DOCK1: variants seen among roughly 807,000 people sequenced by gnomAD.
DOCK1 encodes dedicator of cytokinesis protein 1.
Under a neutral mutation model 262.7 loss-of-function variants are expected in DOCK1, and 138 were observed. That is an observed-to-expected ratio of 0.53 (90% CI 0.46 to 0.61). The LOEUF is 0.61. Among genes scored for constraint, DOCK1 ranks in the 20% least tolerant of loss-of-function variants. The pLI is 0.00. For synonymous variants in DOCK1, 866 were observed against 867.4 expected (o/e 1.00, Z 0.03); for missense variants, 1,908 against 2,370.7 (o/e 0.80, Z 4.05).
At chr10:127,003,491 G>A (rs1295463865) in intron 10 of DOCK1, among the ~76,000 whole-genome samples, 2 of 152,192 alleles carry the variant, frequency 1.3e-5, no homozygotes, top group East Asian at 1.9e-4. Context: ...GTCCCTTCTG[G>A]TGTCACAGTT....
At position 127,032,170 on chromosome 10, in the gene DOCK1, T is replaced by C; in HGVS notation, c.1762T>C (p.Tyr588His). The C allele has an allele frequency of 6.3e-7, 1 of 1,597,666 alleles. No homozygotes were observed. Among genetic ancestry groups the C allele is most frequent in the Non-Finnish European group, 8.5e-7 (1 of 1,171,956 alleles). ...AAAGAAGCTGGAAGATGCTGCCACG[T>C]ACTTGAGTCTGCCCTCCACGAAGGC... ...EAKKLEDAAT[Y>H]LSLPSTKAEL... The change falls in exon 18 of 52, where the codon TAC becomes CAC. Residue 588 changes from tyrosine (Y) to histidine (H), a missense_variant. Transcript: ENST00000623213.
At position 127,175,240 on chromosome 10, in the gene DOCK1, A is replaced by G. The variant is rs772614753; in HGVS notation, c.2847+47476A>G. 9.3e-6 allele frequency: 15 copies of G among 1,613,038 alleles called. No individual in the cohort carries two copies. In the African/African-American group the frequency reaches 9.4e-5, roughly 10 times the overall value. ...TCCCGATGGGCCTCTCCTTTTTCCA[A>G]CTCCTGAATGACCCCCAAGAGCACT... On this transcript the variant is annotated intron_variant, in intron 27 of 51. Coordinates refer to ENST00000623213, the MANE Select transcript of DOCK1 (RefSeq NM_001290223.2). This position sits in a 1 kb window ranked among gnomAD's most constrained non-coding sequence, Gnocchi z 6.3.
At chr10:127,288,773 TCA>T (rs3221847) in intron 29 of DOCK1, among the ~76,000 whole-genome samples, 4,480 of 143,402 alleles carry the variant, frequency 0.031, 81 homozygotes, top group Middle Eastern at 0.062. Flanking sequence ...TGTATATATT[TCA>T]CACACACACA....
chr10:126,949,119 G>C (rs2035933831), intron 1 of DOCK1, among the ~76,000 whole-genome samples: 1 of 152,086 alleles, frequency 6.6e-6, no homozygotes, highest in Admixed American at 6.6e-5. Flanking sequence ...TGCCCTTGCT[G>C]CCTGCCTGGC....
intron 51 of DOCK1, among the ~76,000 whole-genome samples, chr10:127,451,000 T>C (rs1253357084): frequency 6.6e-6 from 1 of 152,190 alleles, no homozygotes; most frequent in Non-Finnish European, 1.5e-5. Context: ...AGAGTGCCTC[T>C]AAGGACTTAT....
At chr10:127,183,969 C>G (rs998059477) in intron 27 of DOCK1, among the ~76,000 whole-genome samples, 13 of 152,132 alleles carry the variant, frequency 8.5e-5, no homozygotes, top group African/African-American at 9.7e-5. Flanking sequence ...ATATCCTTCC[C>G]TCACAAAGTT....
intron 1 of DOCK1, among the ~76,000 whole-genome samples, chr10:126,916,969 T>G (rs542519809): frequency 6.9e-6 from 1 of 143,998 alleles, no homozygotes; most frequent in South Asian, 2.4e-4. Flanking sequence ...GAGAGACAGG[T>G]GGGAGCTGTG....
chr10:126,949,239 C>G (rs2035951537), intron 1 of DOCK1, among the ~76,000 whole-genome samples: 1 of 152,148 alleles, frequency 6.6e-6, no homozygotes, highest in Non-Finnish European at 1.5e-5. Flanking sequence ...CACCCAGCTC[C>G]TGCTCTCCTG....
chr10:126,949,299 G>T (rs1477956384), intron 1 of DOCK1, among the ~76,000 whole-genome samples: 2 of 152,124 alleles, frequency 1.3e-5, no homozygotes, highest in Admixed American at 1.3e-4. Flanking sequence ...CCCCTAAGCT[G>T]TCTAGTGCCT....
intron 27 of DOCK1, among the ~76,000 whole-genome samples, chr10:127,212,541 G>A (rs930243059): frequency 2.6e-5 from 4 of 152,052 alleles, no homozygotes; most frequent in Admixed American, 2.6e-4. Flanking sequence ...CAGACACCTC[G>A]AATTATTTTT....
intron 27 of DOCK1, among the ~76,000 whole-genome samples, chr10:127,211,072 CTG>C (rs2057952238): frequency 6.6e-6 from 1 of 152,146 alleles, no homozygotes. Flanking sequence ...ACTGTTAACT[CTG>C]GGTACGATGT....
intron 22 of DOCK1, among the ~76,000 whole-genome samples, chr10:127,056,765 G>A (rs2045183849): frequency 1.3e-5 from 2 of 152,100 alleles, no homozygotes; most frequent in Non-Finnish European, 2.9e-5. Context: ...CATTCCTGAG[G>A]GGAGAGAAGG....
At chr10:126,913,317 A>T in intron 1 of DOCK1, among the ~76,000 whole-genome samples, 1 of 4,348 alleles carries the variant, frequency 2.3e-4, no homozygotes, top group East Asian at 0.016. Context: ...TTGTAGCATG[A>T]GTAGGGCAGC....
At chr10:127,029,762 A>T (rs1308544841) in intron 16 of DOCK1, among the ~76,000 whole-genome samples, 1 of 152,170 alleles carries the variant, frequency 6.6e-6, no homozygotes, top group Non-Finnish European at 1.5e-5. Flanking sequence ...TAAAAGGTGC[A>T]CTTACTGTAC....
chr10:127,330,038 C>A (rs1462215712), intron 29 of DOCK1, among the ~76,000 whole-genome samples: 1 of 152,146 alleles, frequency 6.6e-6, no homozygotes, highest in African/African-American at 2.4e-5. Context: ...TTTATCCTAA[C>A]ACTTGCTAAC....
intron 25 of DOCK1, 37 bp downstream of exon 25, chr10:127,110,391 T>G (rs2048794208): frequency 6.4e-7 from 1 of 1,564,752 alleles, no homozygotes; most frequent in South Asian, 1.2e-5. Flanking sequence ...CTTGTCCTGT[T>G]ATTTATTTTC....
chr10:127,253,214 T>A (rs2059713706), intron 28 of DOCK1, among the ~76,000 whole-genome samples: 2 of 152,240 alleles, frequency 1.3e-5, no homozygotes, highest in Admixed American at 1.3e-4. Context: ...GCAGAGAATG[T>A]GCCCCGATTC....
intron 27 of DOCK1, among the ~76,000 whole-genome samples, chr10:127,183,315 C>G (rs185228829): frequency 1.3e-5 from 2 of 152,268 alleles, no homozygotes; most frequent in Admixed American, 1.3e-4. Flanking sequence ...TGCAGTCTGT[C>G]TTTCTGGCAA....
intron 27 of DOCK1, among the ~76,000 whole-genome samples, chr10:127,204,611 G>T (rs1254258997): frequency 6.6e-6 from 1 of 152,100 alleles, no homozygotes; most frequent in African/African-American, 2.4e-5. Context: ...AAATAGAGAT[G>T]GGCGTTTGGA....
Sources: gnomAD v4.1 joint callset for allele counts (sites outside exome capture counted in the v4.1 genomes callset) on GRCh38, gnomAD v4.1.1 for gene constraint, Gnocchi (gnomAD v3.1) non-coding constraint, MANE v1.5 for transcripts, NCBI Gene and HGNC (gene_info 2026-07-23, HGNC 2026-07-21) for gene names.